FGF14: variants seen among roughly 807,000 people sequenced by gnomAD.
FGF14 encodes the protein fibroblast growth factor homologous factor 4.
In FGF14, 5 loss-of-function variants were observed where a neutral mutation model predicts 25.5. The observed-to-expected ratio is 0.20, with a 90% CI of 0.10 to 0.41. The LOEUF is 0.41. Among genes scored for constraint, FGF14 ranks in the 10% least tolerant of loss-of-function variants. FGF14 has a pLI of 1.00. For missense variants in FGF14, 222 were observed against 320.1 expected (o/e 0.69, Z 2.34); for synonymous variants, 138 against 118.3 (o/e 1.17, Z -1.08).
At chr13:101,855,518 T>C (rs891225056) in intron 3 of FGF14, among the ~76,000 whole-genome samples, 30 of 151,980 alleles carry the variant, frequency 2.0e-4, no homozygotes, top group African/African-American at 7.2e-4. Context: ...AGTCTCTTTC[T>C]TGTTCAGAAA....
At chr13:102,219,165 T>C (rs2050501606) in intron 1 of FGF14, among the ~76,000 whole-genome samples, 1 of 152,236 alleles carries the variant, frequency 6.6e-6, no homozygotes, top group Non-Finnish European at 1.5e-5. Flanking sequence ...CTAACTCAAA[T>C]TGTCCTCTTT....
At chr13:102,165,773 C>T (rs1297426892) in intron 1 of FGF14, among the ~76,000 whole-genome samples, 1 of 150,542 alleles carries the variant, frequency 6.6e-6, no homozygotes, top group Non-Finnish European at 1.5e-5. Flanking sequence ...ATGTAACCTA[C>T]ACGTTGTGCA....
chr13:102,141,032 C>G (rs1358267893), intron 1 of FGF14, among the ~76,000 whole-genome samples: 2 of 152,216 alleles, frequency 1.3e-5, no homozygotes, highest in African/African-American at 4.8e-5. Flanking sequence ...ATTCTTAACT[C>G]ACCACCAACA....
chr13:102,085,226 T>TA (rs2043839405), intron 1 of FGF14, among the ~76,000 whole-genome samples: 1 of 151,918 alleles, frequency 6.6e-6, no homozygotes, highest in African/African-American at 2.4e-5. Context: ...TTCCCCCACC[T>TA]CCTATGTGTA....
intron 3 of FGF14, among the ~76,000 whole-genome samples, chr13:101,767,477 T>C (rs910182387): frequency 6.6e-6 from 1 of 152,210 alleles, no homozygotes; most frequent in East Asian, 1.9e-4. Flanking sequence ...AAATGACTCC[T>C]GAAGGCACCA....
intron 1 of FGF14, among the ~76,000 whole-genome samples, chr13:102,181,781 A>G (rs1490428560): frequency 1.3e-5 from 2 of 152,126 alleles, no homozygotes; most frequent in African/African-American, 4.8e-5. Flanking sequence ...CATAACCTTA[A>G]TCACATCTGC....
At chr13:102,274,189 C>T (rs546544786) in intron 1 of FGF14, among the ~76,000 whole-genome samples, 1 of 152,262 alleles carries the variant, frequency 6.6e-6, no homozygotes, top group Non-Finnish European at 1.5e-5. Context: ...ATGGGGCTCC[C>T]ACCGCATTCT....
intron 1 of FGF14, among the ~76,000 whole-genome samples, chr13:102,075,975 C>T (rs1469898674): frequency 2.0e-5 from 3 of 151,810 alleles, no homozygotes; most frequent in African/African-American, 4.8e-5. Context: ...CTGTGCAATG[C>T]GTTTGTGGTC....
intron 1 of FGF14, among the ~76,000 whole-genome samples, chr13:102,344,250 A>G (rs1352893716): frequency 6.6e-6 from 1 of 152,246 alleles, no homozygotes; most frequent in Non-Finnish European, 1.5e-5. Context: ...AAAGAGAGAT[A>G]CTGTCAAAAT....
chr13:102,110,248 GT>G (rs993532680), intron 1 of FGF14, among the ~76,000 whole-genome samples: 1 of 152,120 alleles, frequency 6.6e-6, no homozygotes, highest in Non-Finnish European at 1.5e-5. Context: ...AGAAAGCAGT[GT>G]TTTTTTCCCC....
chr13:102,306,387 A>G (rs534126976), intron 1 of FGF14, among the ~76,000 whole-genome samples: 2 of 151,352 alleles, frequency 1.3e-5, no homozygotes, highest in South Asian at 2.1e-4. Context: ...CAGGGAAGAC[A>G]TATCATGCTT....
At chr13:101,855,109 C>A (rs899872024) in intron 3 of FGF14, among the ~76,000 whole-genome samples, 1 of 151,990 alleles carries the variant, frequency 6.6e-6, no homozygotes, top group Admixed American at 6.6e-5. Context: ...AGTGGTATCA[C>A]ACCCACGCAT....
At chr13:102,003,707 T>C (rs1316388101) in intron 1 of FGF14, among the ~76,000 whole-genome samples, 1 of 151,256 alleles carries the variant, frequency 6.6e-6, no homozygotes, top group Non-Finnish European at 1.5e-5. Flanking sequence ...ACAATTTACA[T>C]AGAAAATGCA....
At chr13:102,054,237 A>T (rs1176621011) in intron 1 of FGF14, among the ~76,000 whole-genome samples, 1 of 152,156 alleles carries the variant, frequency 6.6e-6, no homozygotes, top group Non-Finnish European at 1.5e-5. Context: ...ATCTTGATTA[A>T]TTTTTTCTCA....
At chr13:102,195,245 AT>A (rs1345109105) in intron 1 of FGF14, among the ~76,000 whole-genome samples, 1 of 152,114 alleles carries the variant, frequency 6.6e-6, no homozygotes, top group African/African-American at 2.4e-5. Context: ...TTGGTTTGTA[AT>A]TTTTTCCCTG....
At chr13:101,820,088 G>A (rs984952406) in intron 3 of FGF14, among the ~76,000 whole-genome samples, 10 of 152,130 alleles carry the variant, frequency 6.6e-5, no homozygotes, top group African/African-American at 2.4e-4. Context: ...AAGTTATCAA[G>A]GGACAAGCCT....
intron 3 of FGF14, among the ~76,000 whole-genome samples, chr13:101,857,654 A>G (rs1439076278): frequency 6.6e-6 from 1 of 152,040 alleles, no homozygotes; most frequent in Non-Finnish European, 1.5e-5. Flanking sequence ...TGTAGTGAGC[A>G]TGGAACTCAC....
intron 1 of FGF14, among the ~76,000 whole-genome samples, chr13:102,281,427 C>A (rs750406915): frequency 1.3e-5 from 2 of 152,098 alleles, no homozygotes; most frequent in Non-Finnish European, 2.9e-5. Flanking sequence ...ATGTTTTGGT[C>A]CCACCTCATC....
chr13:102,161,644 A>AAGAAGG (rs2047727736), intron 1 of FGF14, among the ~76,000 whole-genome samples: 3 of 17,024 alleles, frequency 1.8e-4, no homozygotes, highest in Admixed American at 9.2e-4. Flanking sequence ...GAAGAAGAAG[A>AAGAAGG]AGAAGAAGAA....
Sources: gnomAD v4.1 joint callset for allele counts (sites outside exome capture counted in the v4.1 genomes callset) on GRCh38, gnomAD v4.1.1 for gene constraint, MANE v1.5 for transcripts, NCBI Gene and HGNC (gene_info 2026-07-23, HGNC 2026-07-21) for gene names.